Variants in SPTSSA observed in about 807,000 individuals in gnomAD.
The protein encoded by SPTSSA is small subunit of serine palmitoyltransferase A.
Under a neutral mutation model 9.1 loss-of-function variants are expected in SPTSSA, and 8 were observed. The ratio of observed to expected loss-of-function variants is 0.88; its 90% CI spans 0.51 to 1.58. SPTSSA has a LOEUF of 1.58. Ranked by LOEUF, SPTSSA falls within the 40% of genes most tolerant of loss-of-function variation. The pLI is 0.00. For synonymous variants in SPTSSA, 42 were observed against 37.7 expected, an observed-to-expected ratio of 1.11 and a Z score of -0.41; for missense variants, 100 against 93.8, an observed-to-expected ratio of 1.07 and a Z score of -0.27.
rs1883205251 is a variant in SPTSSA at position 34,434,292 on chromosome 14, T to C, written c.*909A>G. ...GGATTTTAACCAAGTTTACATTTCT[T>C]TTTGCTATAATTTTTAACAACAATT... On this transcript the variant is annotated 3_prime_UTR_variant, in exon 2 of 2. Transcript: ENST00000298130. 1 of 152,612 alleles carries C rather than the reference T, an allele frequency of 6.6e-6. No homozygotes were observed. 9.5% of individuals were successfully genotyped at this position (152,612 alleles called of 1,614,324 possible).
At chr14:34,436,840 G>A (rs1883248764) in intron 1 of SPTSSA, among the ~76,000 whole-genome samples, 1 of 151,784 alleles carries the variant, frequency 6.6e-6, no homozygotes, top group African/African-American at 2.4e-5. Flanking sequence ...AACAAGAGCA[G>A]AAAGTCTTTC....
chr14:34,460,565 C>A (rs1054526858), intron 1 of SPTSSA, among the ~76,000 whole-genome samples: 3 of 151,988 alleles, frequency 2.0e-5, no homozygotes, highest in African/African-American at 7.3e-5. Context: ...TGTGTAAAAT[C>A]TATATTAGAT....
At chr14:34,456,626 G>A (rs182586349) in intron 1 of SPTSSA, among the ~76,000 whole-genome samples, 22 of 152,090 alleles carry the variant, frequency 1.4e-4, no homozygotes, top group Admixed American at 1.2e-3. Flanking sequence ...GGCCAGGCGC[G>A]GTAGCTCATG....
rs200762762 is a variant in SPTSSA at position 34,462,198 on chromosome 14, T to A, written c.10A>T (p.Met4Leu). MAGMALARAWKQMS... is the reference protein window; with the variant it reads MAGLALARAWKQMS... Reference sequence around the variant, plus strand: ...TGCTTCCAGGCCCGCGCCAGCGCCATCCCCGCCATGCGCCTCCCGCGATGC... The same window carrying A: ...TGCTTCCAGGCCCGCGCCAGCGCCAACCCCGCCATGCGCCTCCCGCGATGC... Residue 4 changes from methionine to leucine, a missense_variant, in exon 1 of 2, where the codon ATG (methionine) becomes TTG (leucine). Physicochemically the swap from Met to Leu is conservative, Grantham distance 15 (BLOSUM62 2). Coordinates refer to ENST00000298130, the MANE Select transcript of SPTSSA (RefSeq NM_138288.4). 2.6e-6 allele frequency: 4 copies of A among 1,527,968 alleles called. No homozygotes were observed. The highest frequency in any genetic ancestry group is 3.5e-6 in the Non-Finnish European group (4 of 1,133,308). The allele number at this position is 1,527,968 out of a possible 1,614,324, so 94.7% of individuals were successfully genotyped here.
At chr14:34,448,473 C>T (rs1489354511) in intron 1 of SPTSSA, among the ~76,000 whole-genome samples, 1 of 152,158 alleles carries the variant, frequency 6.6e-6, no homozygotes, top group Non-Finnish European at 1.5e-5. Context: ...CAGGCCGATT[C>T]ACACTTCAGC....
chr14:34,455,894 T>C (rs1883611529), intron 1 of SPTSSA, among the ~76,000 whole-genome samples: 2 of 151,640 alleles, frequency 1.3e-5, no homozygotes, highest in African/African-American at 4.9e-5. Flanking sequence ...ATCATGCCAG[T>C]GTACTCCAGC....
At chr14:34,441,843 C>A (rs749918701) in intron 1 of SPTSSA, among the ~76,000 whole-genome samples, 1 of 150,522 alleles carries the variant, frequency 6.6e-6, no homozygotes, top group Admixed American at 6.6e-5. Context: ...TTTTTTTTTT[C>A]CTTTCTTTCT....
chr14:34,457,849 G>A (rs1027746342), intron 1 of SPTSSA, among the ~76,000 whole-genome samples: 5 of 151,772 alleles, frequency 3.3e-5, no homozygotes, highest in Admixed American at 6.6e-5. Flanking sequence ...GGCACGGCCT[G>A]TAGTCCCAGC....
chr14:34,459,064 C>T (rs1256904267), intron 1 of SPTSSA, among the ~76,000 whole-genome samples: 1 of 151,948 alleles, frequency 6.6e-6, no homozygotes, highest in Non-Finnish European at 1.5e-5. Flanking sequence ...CCACCACACT[C>T]GGCCCACAAC....
At chr14:34,461,317 C>T (rs57186368) in intron 1 of SPTSSA, among the ~76,000 whole-genome samples, 41,656 of 152,052 alleles carry the variant, frequency 0.27, 7,034 homozygotes, top group African/African-American at 0.48. Flanking sequence ...GAGTTATTAA[C>T]TGAAGTTCTC....
intron 1 of SPTSSA, among the ~76,000 whole-genome samples, chr14:34,442,117 C>G (rs540986270): frequency 6.6e-6 from 1 of 152,094 alleles, no homozygotes; most frequent in Non-Finnish European, 1.5e-5. Context: ...CTCAGGCAAT[C>G]CCCCCGCCTC....
At chr14:34,457,105 T>C (rs1456113643) in intron 1 of SPTSSA, among the ~76,000 whole-genome samples, 1 of 151,490 alleles carries the variant, frequency 6.6e-6, no homozygotes, top group Non-Finnish European at 1.5e-5. Flanking sequence ...CAGCCTCCCA[T>C]GTAGCTGGGA....
intron 1 of SPTSSA, among the ~76,000 whole-genome samples, chr14:34,442,328 A>G (rs1464918424): frequency 6.6e-6 from 1 of 152,174 alleles, no homozygotes; most frequent in Non-Finnish European, 1.5e-5. Context: ...ATCAAACTCA[A>G]CTGGCTAAGG....
chr14:34,447,507 A>T (rs1433262866), intron 1 of SPTSSA, among the ~76,000 whole-genome samples: 1 of 152,198 alleles, frequency 6.6e-6, no homozygotes, highest in African/African-American at 2.4e-5. Context: ...ATGTGCAACC[A>T]TGAGGACTTA....
In SPTSSA at chr14:34,458,476, G is replaced by A. The variant is rs185152911; in HGVS notation, c.112+3620C>T. Among the ~76,000 whole-genome samples, 233 of 150,826 alleles carry A rather than the reference G, an allele frequency of 1.5e-3. 2 individuals carry two copies. The highest frequency in any genetic ancestry group is 4.9e-3 in the African/African-American group (203 of 41,072). On this transcript the variant is annotated intron_variant, in intron 1 of 1. Coordinates refer to ENST00000298130, the MANE Select transcript of SPTSSA (RefSeq NM_138288.4). ...TGGGATTACAGGTGTGAGCTACCGC[G>A]CCAGGCCTAAGATCGACTTTCTTTT...
At chr14:34,451,121 C>G (rs1365627921) in intron 1 of SPTSSA, among the ~76,000 whole-genome samples, 1 of 149,714 alleles carries the variant, frequency 6.7e-6, no homozygotes, top group Non-Finnish European at 1.5e-5. Context: ...AAATACAGTA[C>G]ATTAGAAACA....
chr14:34,442,873 C>T (rs577104253), intron 1 of SPTSSA, among the ~76,000 whole-genome samples: 10 of 152,054 alleles, frequency 6.6e-5, no homozygotes, highest in African/African-American at 9.7e-5. Flanking sequence ...AAAGTAAAAC[C>T]GCCAAGCTTG....
At chr14:34,443,685 G>A (rs891634884) in intron 1 of SPTSSA, among the ~76,000 whole-genome samples, 9 of 151,760 alleles carry the variant, frequency 5.9e-5, no homozygotes, top group African/African-American at 1.5e-4. Context: ...ACAGGTGCCC[G>A]CCACCACACC....
intron 1 of SPTSSA, among the ~76,000 whole-genome samples, chr14:34,448,239 A>G (rs1883457902): frequency 6.6e-6 from 1 of 151,506 alleles, no homozygotes; most frequent in South Asian, 2.1e-4. Flanking sequence ...CTGGGCAACA[A>G]GAGCAAAAAC....
Sources: allele counts gnomAD v4.1 joint callset (sites outside exome capture counted in the v4.1 genomes callset), GRCh38; gene constraint gnomAD v4.1.1; transcripts MANE v1.5; gene names NCBI Gene and HGNC (gene_info 2026-07-23, HGNC 2026-07-21).